Variants in KDM6A observed in about 807,000 individuals in gnomAD.
KDM6A encodes lysine demethylase 6A, also known as lysine-specific demethylase 6A.
KDM6A carries 11 observed loss-of-function variants against 117.6 expected under a neutral mutation model. That is an observed-to-expected ratio of 0.09 (90% CI 0.06 to 0.15). The LOEUF is 0.15. KDM6A is among the 10% of genes least tolerant of loss of function. The probability of loss-of-function intolerance (pLI) is 1.00; values close to 1 mark genes in which losing one functional copy is unlikely to be tolerated. For synonymous variants in KDM6A, 384 were observed against 396.1 expected, an observed-to-expected ratio of 0.97 and a Z score of 0.36; for missense variants, 799 against 1,077.3, an observed-to-expected ratio of 0.74 and a Z score of 3.62.
chrX:44,878,871 G>A (rs1212718064), intron 2 of KDM6A, among the ~76,000 whole-genome samples: 1 of 110,522 alleles, frequency 9.0e-6, no homozygotes, highest in African/African-American at 3.3e-5. Flanking sequence ...ACAGGTGCCT[G>A]CCACCACACC....
intron 6 of KDM6A, among the ~76,000 whole-genome samples, chrX:45,030,566 C>T (rs755758602): frequency 1.8e-5 from 2 of 109,005 alleles, no homozygotes; most frequent in South Asian, 8.1e-4. Context: ...TAGCCGTTTT[C>T]AGTTCTGTAT....
chrX:44,940,434 A>C lies in KDM6A; in HGVS notation c.226-20850A>C, dbSNP rs1262199747. ...ACCAATCTCATCAGAAAAAACTTTT[A>C]AGTTTTGCGAAGCTGTCAAGCTCAC... On this transcript the variant is annotated intron_variant, in intron 2 of 29. Transcript: ENST00000611820. Among the ~76,000 whole-genome samples, 9 of 111,974 alleles carry C rather than the reference A, an allele frequency of 8.0e-5. No homozygotes were observed. The Admixed American group carries it at 8.6e-4, about 11-fold the overall frequency.
chrX:45,107,577 CTT>C, intron 28 of KDM6A, 41 bp downstream of exon 28: 1 of 1,182,859 alleles, frequency 8.5e-7, no homozygotes. Flanking sequence ...TATAAAGCCT[CTT>C]CCCTCTCCAC....
At chrX:45,065,761 C>T (rs2044504277) in intron 17 of KDM6A, among the ~76,000 whole-genome samples, 1 of 112,028 alleles carries the variant, frequency 8.9e-6, no homozygotes, top group Non-Finnish European at 1.9e-5. Flanking sequence ...AGCCTTAGGG[C>T]ATTCCAGTGT....
Position 44,897,138 on chromosome X carries a change from C to CTT in KDM6A, c.225+23167_225+23168dup, listed in dbSNP as rs752521695. Among the ~76,000 whole-genome samples, 82 of 72,986 alleles carry CTT rather than the reference C, an allele frequency of 1.1e-3. 1 individual carries two copies. The highest frequency in any genetic ancestry group is 7.5e-4 in the Non-Finnish European group (27 of 35,960). The allele number at this position is 72,986 out of a possible 115,157, so 63.4% of individuals were successfully genotyped here. On this transcript the variant is annotated intron_variant, in intron 2 of 29. Coordinates refer to ENST00000611820, the MANE Select transcript of KDM6A (RefSeq NM_001291415.2). Reference sequence around the variant, plus strand: ...GTCCATAGGTCCCTGAGGCTTTGTTCTTTTTTTTTTTTTTTTTAGTCTGTT... The same window carrying CTT: ...GTCCATAGGTCCCTGAGGCTTTGTTCTTTTTTTTTTTTTTTTTTTAGTCTGTT...
chrX:44,883,666 G>A (rs2032540884), intron 2 of KDM6A, among the ~76,000 whole-genome samples: 2 of 111,101 alleles, frequency 1.8e-5, no homozygotes, highest in Admixed American at 1.9e-4. Flanking sequence ...GAGCCACCCC[G>A]CCTGGCCTGG....
chrX:45,000,333 G>A lies in KDM6A; in HGVS notation c.385-10628G>A, dbSNP rs145256951. ...GTTTTAAATTGATCTGGTATTCCCC[G>A]TGGGACTCCAGTTGCGTCTAAATAG... On this transcript the variant is annotated intron_variant, in intron 4 of 29. Transcript: ENST00000611820. Among the ~76,000 whole-genome samples, 644 of 112,076 alleles carry A rather than the reference G, an allele frequency of 5.7e-3. 2 individuals carry two copies. Among genetic ancestry groups the A allele is most frequent in the Middle Eastern group, 0.018 (4 of 219 alleles).
intron 2 of KDM6A, among the ~76,000 whole-genome samples, chrX:44,934,988 C>T (rs778910272): frequency 4.5e-5 from 5 of 111,492 alleles, no homozygotes; most frequent in Admixed American, 1.9e-4. Flanking sequence ...TGTTATATCA[C>T]GGAGGTCCTT....
intron 4 of KDM6A, among the ~76,000 whole-genome samples, chrX:44,985,712 T>C (rs979653926): frequency 8.9e-6 from 1 of 112,160 alleles, no homozygotes; most frequent in Non-Finnish European, 1.9e-5. Context: ...GGGTTACGTT[T>C]ACTCATTTGC....
chrX:45,011,781 T>TTTTA (rs988316789), intron 5 of KDM6A, among the ~76,000 whole-genome samples: 14 of 109,399 alleles, frequency 1.3e-4, no homozygotes, highest in Admixed American at 3.9e-4. Context: ...TATTTATTTA[T>TTTTA]TTTATTTATT....
intron 4 of KDM6A, among the ~76,000 whole-genome samples, chrX:44,998,459 T>G (rs1204003576): frequency 8.9e-6 from 1 of 112,179 alleles, no homozygotes; most frequent in Non-Finnish European, 1.9e-5. Flanking sequence ...CAGATATTCA[T>G]GGTATATGTA....
intron 2 of KDM6A, among the ~76,000 whole-genome samples, chrX:44,952,781 T>C (rs1386547405): frequency 2.7e-5 from 3 of 110,722 alleles, no homozygotes; most frequent in African/African-American, 9.9e-5. Flanking sequence ...TTTGTTGTTG[T>C]TGTTGTTGGT....
intron 2 of KDM6A, among the ~76,000 whole-genome samples, chrX:44,920,050 CT>C (rs1461310513): frequency 8.9e-6 from 1 of 112,407 alleles, no homozygotes; most frequent in Non-Finnish European, 1.9e-5. Flanking sequence ...TTTTCAAAAA[CT>C]TTAAAAGTTA....
At chrX:44,967,723 C>G (rs1445266856) in intron 3 of KDM6A, among the ~76,000 whole-genome samples, 1 of 112,187 alleles carries the variant, frequency 8.9e-6, no homozygotes, top group African/African-American at 3.2e-5. Flanking sequence ...CATCTACTTT[C>G]TGTCTTACAA....
At position 44,988,158 on chromosome X, in the gene KDM6A, T is replaced by C. The variant is rs955283075; in HGVS notation, c.384+13443T>C. On this transcript the variant is annotated intron_variant, in intron 4 of 29. Coordinates refer to ENST00000611820, the MANE Select transcript of KDM6A (RefSeq NM_001291415.2). ...CTCTTCTCACTTCATTTCATTCGTTTGATCTTCCATCGTTGATACCCTTTC... is the reference window on the plus strand; with the variant it reads ...CTCTTCTCACTTCATTTCATTCGTTCGATCTTCCATCGTTGATACCCTTTC... 1.2e-4 allele frequency among the ~76,000 whole-genome samples: 13 copies of C among 112,123 alleles called. No homozygotes were observed. The South Asian group carries it at 3.3e-3, about 29-fold the overall frequency.
At chrX:44,922,027 C>CTTTTTTTTTTTTTT (rs1412985730) in intron 2 of KDM6A, among the ~76,000 whole-genome samples, 600 of 37,714 alleles carry the variant, frequency 0.016, 286 homozygotes, top group Non-Finnish European at 0.019. Context: ...ATTGTGTGTG[C>CTTTTTTTTTTTTTT]CTTTTTTTTT....
At chrX:44,920,073 A>G (rs1188616302) in intron 2 of KDM6A, among the ~76,000 whole-genome samples, 1 of 112,530 alleles carries the variant, frequency 8.9e-6, no homozygotes, top group Non-Finnish European at 1.9e-5. Flanking sequence ...TTTATGGTCT[A>G]GCATATGGTC....
chrX:45,051,846 T>G (rs763248279), intron 9 of KDM6A, 44 bp downstream of exon 9: 3 of 765,314 alleles, frequency 3.9e-6, no homozygotes, highest in Non-Finnish European at 6.0e-6. Flanking sequence ...TGCTTCTCTT[T>G]ATGTTTTTTC....
chrX:44,896,175 G>C (rs991126987), intron 2 of KDM6A, among the ~76,000 whole-genome samples: 10 of 108,573 alleles, frequency 9.2e-5, no homozygotes, highest in African/African-American at 3.4e-4. Flanking sequence ...CTGGGTTCAT[G>C]CCATTCTCCT....
Sources: gnomAD v4.1 joint callset for allele counts (sites outside exome capture counted in the v4.1 genomes callset) on GRCh38, gnomAD v4.1.1 for gene constraint, MANE v1.5 for transcripts, NCBI Gene and HGNC (gene_info 2026-07-23, HGNC 2026-07-21) for gene names.